The following EML6 variants were observed in gnomAD, a reference collection of about 807,000 sequenced individuals.
EML6 encodes EMAP like 6, also known as echinoderm microtubule-associated protein-like 6.
EML6 carries 154 observed loss-of-function variants against 240.1 expected under a neutral mutation model. The observed-to-expected ratio is 0.64, with a 90% confidence interval of 0.56 to 0.73. The LOEUF (loss-of-function observed/expected upper bound fraction) is 0.73. Ranked by LOEUF, EML6 falls within the 30% of genes least tolerant of loss-of-function variation. The pLI is 0.00. For synonymous variants in EML6, 1,148 were observed against 899.0 expected, an observed-to-expected ratio of 1.28 and a Z score of -4.95; for missense variants, 2,964 against 2,474.6, an observed-to-expected ratio of 1.20 and a Z score of -4.20.
At position 54,869,163 on chromosome 2, in the gene EML6, C is replaced by G. The variant is rs1311023427; in HGVS notation, c.2052-18C>G. 2.0e-6 allele frequency: 3 copies of G among 1,530,538 alleles called. No individual in the cohort carries two copies. In the South Asian group the frequency reaches 3.6e-5, roughly 18 times the overall value. 94.8% of individuals were successfully genotyped at this position (1,530,538 alleles called of 1,614,324 possible). On this transcript the variant is annotated intron_variant, in intron 14 of 41. Transcript: ENST00000356458. ...CTGTTTGTTCAACCACTATGCATTT[C>G]TTGGACCTGTGCTTCAGTTATAGAG...
chr2:54,733,023 C>A (rs1244785814), intron 2 of EML6, among the ~76,000 whole-genome samples: 1 of 152,208 alleles, frequency 6.6e-6, no homozygotes, highest in African/African-American at 2.4e-5. Flanking sequence ...TTTATCAGTT[C>A]ATTCCTTTCT....
At chr2:54,849,748 A>G (rs994027934) in intron 9 of EML6, among the ~76,000 whole-genome samples, 1 of 152,218 alleles carries the variant, frequency 6.6e-6, no homozygotes, top group African/African-American at 2.4e-5. Context: ...TCGGCCTCCC[A>G]AAGTGCTGGG....
At chr2:54,968,442 T>A (rs191163157) in intron 40 of EML6, among the ~76,000 whole-genome samples, 161 bp downstream of exon 40, 235 of 152,242 alleles carry the variant, frequency 1.5e-3, no homozygotes, top group African/African-American at 5.2e-3. Context: ...GGGGCAGTCC[T>A]GGAAGCCAGA....
At chr2:54,860,830 G>A (rs913013023) in intron 12 of EML6, among the ~76,000 whole-genome samples, 5 of 152,034 alleles carry the variant, frequency 3.3e-5, no homozygotes, top group Non-Finnish European at 7.3e-5. Context: ...CCCCAGATGG[G>A]GTTTATGCCA....
chr2:54,901,621 C>T (rs1389344311), intron 22 of EML6, among the ~76,000 whole-genome samples: 3 of 152,180 alleles, frequency 2.0e-5, no homozygotes, highest in East Asian at 1.9e-4. Context: ...TTGGTCTGTA[C>T]GATAGATTGT....
At chr2:54,763,095 C>T (rs545086517) in intron 2 of EML6, among the ~76,000 whole-genome samples, 1 of 152,306 alleles carries the variant, frequency 6.6e-6, no homozygotes, top group African/African-American at 2.4e-5. Flanking sequence ...AGAAGTCTGG[C>T]TCACAAAACA....
chr2:54,966,141 AAAATAT>A (rs1172155848), intron 38 of EML6, among the ~76,000 whole-genome samples: 5 of 152,250 alleles, frequency 3.3e-5, no homozygotes, highest in African/African-American at 1.2e-4. Flanking sequence ...AGACAATCAC[AAAATAT>A]AAATATAATT....
At chr2:54,730,742 A>G (rs1683119492) in intron 2 of EML6, among the ~76,000 whole-genome samples, 1 of 152,228 alleles carries the variant, frequency 6.6e-6, no homozygotes, top group African/African-American at 2.4e-5. Context: ...TTAATAAATT[A>G]TAGTCTTGTG....
At chr2:54,837,747 C>T (rs1669230157) in intron 7 of EML6, among the ~76,000 whole-genome samples, 1 of 152,180 alleles carries the variant, frequency 6.6e-6, no homozygotes, top group African/African-American at 2.4e-5. Context: ...CAGTGGTTCT[C>T]AGCCCTGGGG....
chr2:54,801,501 G>C (rs1001011308), intron 2 of EML6, among the ~76,000 whole-genome samples: 2 of 152,194 alleles, frequency 1.3e-5, no homozygotes, highest in Admixed American at 1.3e-4. Flanking sequence ...TGACTCTCCA[G>C]TGTGATGTCT....
At chr2:54,746,397 A>G (rs1011434737) in intron 2 of EML6, among the ~76,000 whole-genome samples, 3 of 151,562 alleles carry the variant, frequency 2.0e-5, no homozygotes, top group Admixed American at 6.6e-5. Context: ...AGGTTTGAAA[A>G]TCTATTTATT....
At chr2:54,833,098 C>T (rs1271585653) in intron 7 of EML6, among the ~76,000 whole-genome samples, 1 of 152,208 alleles carries the variant, frequency 6.6e-6, no homozygotes, top group Non-Finnish European at 1.5e-5. Flanking sequence ...GGCCACGGCC[C>T]AGTTCCCATG....
chr2:54,878,263 G>A (rs959882513), intron 16 of EML6, among the ~76,000 whole-genome samples: 4 of 152,164 alleles, frequency 2.6e-5, no homozygotes, highest in East Asian at 1.9e-4. Flanking sequence ...TGGGACCTCC[G>A]AGTGGACTGG....
chr2:54,926,054 G>A (rs1674525894), intron 26 of EML6, among the ~76,000 whole-genome samples: 1 of 152,192 alleles, frequency 6.6e-6, no homozygotes, highest in Non-Finnish European at 1.5e-5. Flanking sequence ...GAGATTCTCA[G>A]GAATTTCTTC....
At chr2:54,814,698 G>A (rs1308298785) in intron 3 of EML6, among the ~76,000 whole-genome samples, 2 of 152,240 alleles carry the variant, frequency 1.3e-5, no homozygotes, top group African/African-American at 2.4e-5. Flanking sequence ...GATTATAGGA[G>A]TTGACCTGGG....
At chr2:54,802,769 C>T (rs1240801781) in intron 2 of EML6, among the ~76,000 whole-genome samples, 1 of 152,166 alleles carries the variant, frequency 6.6e-6, no homozygotes, top group Admixed American at 6.5e-5. Context: ...CTGTGTCTCA[C>T]ACCCTGTGCT....
intron 17 of EML6, among the ~76,000 whole-genome samples, chr2:54,889,973 T>C (rs1672379468): frequency 6.6e-6 from 1 of 152,256 alleles, no homozygotes; most frequent in African/African-American, 2.4e-5. Context: ...TGTAGTTAGC[T>C]TGAATAAATC....
At position 54,869,309 on chromosome 2, in the gene EML6, A is replaced by G. The variant is rs1671133758; in HGVS notation, c.2180A>G (p.Asp727Gly). Residue 727 changes from aspartate (D) to glycine (G), a missense_variant, in exon 15 of 42, where the codon GAT (aspartate) becomes GGT (glycine). Asp to Gly is a moderately conservative substitution (Grantham distance 94). Transcript: ENST00000356458. Reference sequence around the variant, plus strand: ...TCCCAGAGGCTGTACCTGGGGCACGATGACGACATTCTCAGCCTGACCATC... The same window carrying G: ...TCCCAGAGGCTGTACCTGGGGCACGGTGACGACATTCTCAGCCTGACCATC... ...QHSQRLYLGH[D>G]DDILSLTIHP... 2 of 1,551,578 alleles carry G rather than the reference A, an allele frequency of 1.3e-6. No individual in the cohort carries two copies. The highest frequency in any genetic ancestry group is 1.7e-6 in the Non-Finnish European group (2 of 1,146,948).
chr2:54,788,772 A>G (rs2103888324), intron 2 of EML6, among the ~76,000 whole-genome samples: 1 of 152,346 alleles, frequency 6.6e-6, no homozygotes, highest in South Asian at 2.1e-4. Flanking sequence ...CAAACTCTTC[A>G]GAACATATAT....
Sources: gnomAD v4.1 joint callset for allele counts (sites outside exome capture counted in the v4.1 genomes callset) on GRCh38, gnomAD v4.1.1 for gene constraint, MANE v1.5 for transcripts, NCBI Gene and HGNC (gene_info 2026-07-23, HGNC 2026-07-21) for gene names.